Variants in GPC5 observed in about 807,000 individuals in gnomAD.
GPC5 encodes glypican 5.
A neutral mutation model predicts 53.9 loss-of-function variants in GPC5; 47 were observed. That is an observed-to-expected ratio of 0.87 (90% CI 0.69 to 1.11). The LOEUF is 1.11. Among genes scored for constraint, GPC5 ranks in the 50% most tolerant of loss-of-function variants. The pLI is 0.00. For missense variants in GPC5, 748 were observed against 713.1 expected (o/e 1.05, Z -0.56); for synonymous variants, 286 against 263.3 (o/e 1.09, Z -0.84).
chr13:92,025,782 T>C (rs1383934677), intron 6 of GPC5, among the ~76,000 whole-genome samples: 1 of 152,204 alleles, frequency 6.6e-6, no homozygotes, highest in Non-Finnish European at 1.5e-5. Context: ...CATAATTCAA[T>C]ATGATCCTTG....
At position 92,220,491 on chromosome 13, in the gene GPC5, T is replaced by C. The variant is rs148388331; in HGVS notation, c.1561+75502T>C. 5.3e-3 allele frequency among the ~76,000 whole-genome samples: 810 copies of C among 152,262 alleles called. 9 individuals are homozygous for C. The highest frequency in any genetic ancestry group is 0.019 in the African/African-American group (779 of 41,546). On this transcript the variant is annotated intron_variant, in intron 7 of 7. Transcript: ENST00000377067. ...TTGTAACAAAGATTAAGTGAATCAA[T>C]ATAAGTCTAGGCAGGTCAAAGATAC...
In GPC5 at chr13:91,995,623, G is replaced by A. The variant is rs191562208; in HGVS notation, c.1401+87566G>A. ...CACTCAAAATAATGCCTCGAATATA[G>A]TAAACATTCAAAACTATTAGATAAT... On this transcript the variant is annotated intron_variant, in intron 6 of 7. Coordinates refer to ENST00000377067, the MANE Select transcript of GPC5 (RefSeq NM_004466.6). 24 of 152,190 alleles carry A rather than the reference G, an allele frequency of 1.6e-4. 1 individual carries two copies. The highest frequency in any genetic ancestry group is 1.0e-3 in the South Asian group (5 of 4,816). 9.4% of individuals were successfully genotyped at this position (152,190 alleles called of 1,614,324 possible).
At position 92,839,348 on chromosome 13, in the gene GPC5, A is replaced by G. The variant is rs116831064; in HGVS notation, c.1562-26934A>G. 9.6e-3 allele frequency among the ~76,000 whole-genome samples: 1,461 copies of G among 152,286 alleles called. 25 individuals are homozygous for G. Among genetic ancestry groups the G allele is most frequent in the African/African-American group, 0.034 (1,410 of 41,562 alleles). On this transcript the variant is annotated intron_variant, in intron 7 of 7. Coordinates refer to ENST00000377067, the MANE Select transcript of GPC5 (RefSeq NM_004466.6). ...AGGAGCAAATGTACAGGTTTGTTACATAGGTAAACTTGTGTCATGGGGGTT... is the reference window on the plus strand; with the variant it reads ...AGGAGCAAATGTACAGGTTTGTTACGTAGGTAAACTTGTGTCATGGGGGTT...
intron 7 of GPC5, among the ~76,000 whole-genome samples, chr13:92,454,039 C>T (rs917350673): frequency 6.6e-6 from 1 of 152,118 alleles, no homozygotes; most frequent in Admixed American, 6.6e-5. Context: ...CTAACTATAT[C>T]CCATGATACA....
At chr13:92,150,852 A>G (rs1441847136) in intron 7 of GPC5, among the ~76,000 whole-genome samples, 1 of 151,816 alleles carries the variant, frequency 6.6e-6, no homozygotes, top group African/African-American at 2.4e-5. Context: ...TTTTTGAACA[A>G]CACAATGCTA....
At chr13:91,426,872 C>A (rs964684734) in intron 1 of GPC5, among the ~76,000 whole-genome samples, 1 of 152,244 alleles carries the variant, frequency 6.6e-6, no homozygotes, top group East Asian at 1.9e-4. Context: ...TATTTTGCAT[C>A]CTTCAATCCA....
intron 7 of GPC5, among the ~76,000 whole-genome samples, chr13:92,302,634 T>G (rs560502300): frequency 6.6e-6 from 1 of 152,344 alleles, no homozygotes; most frequent in Admixed American, 6.5e-5. Flanking sequence ...GTTGCTATTT[T>G]GTTGTATAGG....
rs1299165733 is a variant in GPC5, at chr13:91,756,332, T to C, written c.1192T>C (p.Tyr398His). 3.8e-6 allele frequency: 6 copies of C among 1,587,348 alleles called. No individual in the cohort carries two copies. Among genetic ancestry groups the C allele is most frequent in the Non-Finnish European group, 5.2e-6 (6 of 1,160,636 alleles). The change falls in exon 5 of 8, where the codon TAT (tyrosine) becomes CAT (histidine). Residue 398 changes from tyrosine to histidine, a missense_variant. By Grantham distance (83) the Tyr-to-His change is moderately conservative. Transcript: ENST00000377067. Reference protein sequence around the residue: ...INSLRLYRSFYGGLADQLCAN... With the variant: ...INSLRLYRSFHGGLADQLCAN... Reference sequence around the variant, plus strand: ...CAGCCTTCGACTGTACAGGTCATTCTATGGAGGTCTAGCTGATCAGCTTTG... The same window carrying C: ...CAGCCTTCGACTGTACAGGTCATTCCATGGAGGTCTAGCTGATCAGCTTTG...
chr13:91,845,450 C>T (rs2038837782), intron 5 of GPC5, among the ~76,000 whole-genome samples: 1 of 152,146 alleles, frequency 6.6e-6, no homozygotes, highest in South Asian at 2.1e-4. Flanking sequence ...ACTAACAGAT[C>T]TACCACCTCA....
chr13:91,980,808 G>A (rs1236503486), intron 6 of GPC5, among the ~76,000 whole-genome samples: 1 of 152,178 alleles, frequency 6.6e-6, no homozygotes, highest in African/African-American at 2.4e-5. Context: ...TGATTTCTAA[G>A]ACTATAGGTT....
At chr13:92,019,499 G>A (rs1277947501) in intron 6 of GPC5, among the ~76,000 whole-genome samples, 3 of 151,948 alleles carry the variant, frequency 2.0e-5, no homozygotes, top group Non-Finnish European at 4.4e-5. Flanking sequence ...TGAACCTAAA[G>A]TAAGAGAACA....
intron 7 of GPC5, among the ~76,000 whole-genome samples, chr13:92,403,527 C>A (rs990155161): frequency 1.3e-5 from 2 of 152,156 alleles, no homozygotes; most frequent in Admixed American, 6.5e-5. Flanking sequence ...ATCTAGGCTG[C>A]ATGTTCCTTA....
chr13:91,477,812 A>G (rs1455041702), intron 2 of GPC5, among the ~76,000 whole-genome samples: 1 of 152,178 alleles, frequency 6.6e-6, no homozygotes, highest in African/African-American at 2.4e-5. Flanking sequence ...TAGTCTTTCT[A>G]TTTAGCATTT....
intron 7 of GPC5, among the ~76,000 whole-genome samples, chr13:92,790,307 T>C (rs1363829105): frequency 6.6e-6 from 1 of 152,128 alleles, no homozygotes; most frequent in Non-Finnish European, 1.5e-5. Context: ...AATGAAGAGA[T>C]ACAGGTTTCT....
chr13:91,808,618 A>G (rs1483969491), intron 5 of GPC5, among the ~76,000 whole-genome samples: 1 of 152,166 alleles, frequency 6.6e-6, no homozygotes, highest in Non-Finnish European at 1.5e-5. Flanking sequence ...AATACAACAT[A>G]TTACTTCTTG....
At chr13:91,873,308 A>C (rs1704598300) in intron 5 of GPC5, among the ~76,000 whole-genome samples, 1 of 152,130 alleles carries the variant, frequency 6.6e-6, no homozygotes, top group Admixed American at 6.5e-5. Context: ...CAACTCACCA[A>C]ACTGGGGCAG....
At chr13:91,680,771 G>A (rs565548216) in intron 2 of GPC5, among the ~76,000 whole-genome samples, 10 of 152,246 alleles carry the variant, frequency 6.6e-5, no homozygotes, top group Admixed American at 5.2e-4. Flanking sequence ...ACCTAAACAA[G>A]ATGCTGTTCA....
intron 2 of GPC5, among the ~76,000 whole-genome samples, chr13:91,471,012 C>A (rs1304520233): frequency 6.6e-6 from 1 of 152,030 alleles, no homozygotes; most frequent in Non-Finnish European, 1.5e-5. Context: ...ATTACGAAGA[C>A]CTTATGTTAA....
chr13:92,319,580 TTA>T (rs1185449454), intron 7 of GPC5, among the ~76,000 whole-genome samples: 1 of 152,156 alleles, frequency 6.6e-6, no homozygotes, highest in African/African-American at 2.4e-5. Flanking sequence ...AGCATAGCCC[TTA>T]TATATTCCAC....
Sources: gnomAD v4.1 joint callset for allele counts (sites outside exome capture counted in the v4.1 genomes callset) on GRCh38, gnomAD v4.1.1 for gene constraint, MANE v1.5 for transcripts, NCBI Gene and HGNC (gene_info 2026-07-23, HGNC 2026-07-21) for gene names.